Variants in RABGAP1L observed in about 807,000 individuals in gnomAD.
The protein encoded by RABGAP1L is rab GTPase-activating protein 1-like.
Under a neutral mutation model 137.7 loss-of-function variants are expected in RABGAP1L, and 63 were observed. The ratio of observed to expected loss-of-function variants is 0.46; its 90% confidence interval spans 0.37 to 0.56. The LOEUF (loss-of-function observed/expected upper bound fraction) is 0.56. Ranked by LOEUF, RABGAP1L falls within the 20% of genes least tolerant of loss-of-function variation. The pLI, the probability that RABGAP1L is intolerant of heterozygous loss-of-function variation, is 0.00. For missense variants in RABGAP1L, 1,095 were observed against 1,244.0 expected (o/e 0.88, Z 1.80); for synonymous variants, 431 against 433.7 (o/e 0.99, Z 0.08).
In RABGAP1L at chr1:174,192,277, C is replaced by T. The variant is rs543533526; in HGVS notation, c.-33-26848C>T. Among the ~76,000 whole-genome samples, 5 of 147,472 alleles carry T rather than the reference C, an allele frequency of 3.4e-5. No individual in the cohort carries two copies. The East Asian group carries it at 1.0e-3, about 30-fold the overall frequency. ...GCGTAACACATGGCAGTTGGAGGTT[C>T]AAGAGAGTCTAATTGAGTCACTTAT... On this transcript the variant is annotated intron_variant, in intron 1 of 25. Coordinates refer to ENST00000681986, the MANE Select transcript of RABGAP1L (RefSeq NM_001366446.1).
At chr1:174,338,858 G>GT (rs534517675) in intron 11 of RABGAP1L, among the ~76,000 whole-genome samples, 4 of 152,080 alleles carry the variant, frequency 2.6e-5, no homozygotes, top group Non-Finnish European at 2.9e-5. Flanking sequence ...CTAAGAATGG[G>GT]TTTTGCACTT....
intron 15 of RABGAP1L, among the ~76,000 whole-genome samples, chr1:174,688,306 T>G (rs963125440): frequency 1.3e-5 from 2 of 152,134 alleles, no homozygotes; most frequent in Non-Finnish European, 2.9e-5. Context: ...AGTTTTAAAT[T>G]TTTTAATTGA....
At chr1:174,795,381 A>T in intron 18 of RABGAP1L, among the ~76,000 whole-genome samples, 1 of 152,156 alleles carries the variant, frequency 6.6e-6, no homozygotes, top group Non-Finnish European at 1.5e-5. Context: ...AATGGAGAGG[A>T]GATGGCACCA....
At chr1:174,488,144 T>C (rs1659853743) in intron 13 of RABGAP1L, among the ~76,000 whole-genome samples, 1 of 152,170 alleles carries the variant, frequency 6.6e-6, no homozygotes. Flanking sequence ...TTTCAGTTTA[T>C]TTCTTATTGC....
intron 19 of RABGAP1L, among the ~76,000 whole-genome samples, chr1:174,882,838 T>G (rs932826537): frequency 2.6e-5 from 4 of 152,176 alleles, no homozygotes; most frequent in African/African-American, 9.7e-5. Flanking sequence ...AGCTTTTTTT[T>G]TTTTGGAGAC....
At chr1:174,703,465 A>G (rs1679815040) in intron 17 of RABGAP1L, among the ~76,000 whole-genome samples, 1 of 152,070 alleles carries the variant, frequency 6.6e-6, no homozygotes, top group Non-Finnish European at 1.5e-5. Flanking sequence ...TACATACCAC[A>G]TTTTCTTTAT....
At chr1:174,516,868 A>G (rs567804924) in intron 13 of RABGAP1L, among the ~76,000 whole-genome samples, 1 of 151,920 alleles carries the variant, frequency 6.6e-6, no homozygotes, top group African/African-American at 2.4e-5. Flanking sequence ...CAGAGGTTGC[A>G]GTGAGTTGAG....
At chr1:174,952,259 T>C (rs1042430350) in intron 19 of RABGAP1L, among the ~76,000 whole-genome samples, 1 of 140,708 alleles carries the variant, frequency 7.1e-6, no homozygotes, top group Non-Finnish European at 1.5e-5. Flanking sequence ...CCCAGCACTT[T>C]GGGAGGCTGA....
rs527830755 is a variant in RABGAP1L, at chr1:174,341,520, G to A, written c.1466-29459G>A. 2.9e-4 allele frequency among the ~76,000 whole-genome samples: 44 copies of A among 152,206 alleles called. No individual in the cohort carries two copies. The South Asian group carries it at 7.1e-3, about 24-fold the overall frequency. Reference sequence around the variant, plus strand: ...TAACAACTTGGATGAAAACTTGACCGCTTACTCATGTATTTTATTGACATT... The same window carrying A: ...TAACAACTTGGATGAAAACTTGACCACTTACTCATGTATTTTATTGACATT... On this transcript the variant is annotated intron_variant, in intron 11 of 25. Coordinates refer to ENST00000681986, the MANE Select transcript of RABGAP1L (RefSeq NM_001366446.1).
chr1:174,203,488 C>T (rs1306250456), intron 1 of RABGAP1L, among the ~76,000 whole-genome samples: 2 of 152,102 alleles, frequency 1.3e-5, no homozygotes, highest in Non-Finnish European at 2.9e-5. Flanking sequence ...GTACCCGTAC[C>T]ATGCTGTTTT....
At chr1:174,288,504 C>A (rs1341566769) in intron 10 of RABGAP1L, among the ~76,000 whole-genome samples, 2 of 152,160 alleles carry the variant, frequency 1.3e-5, no homozygotes, top group African/African-American at 2.4e-5. Context: ...TTTCTTTTCT[C>A]TTTCAATATA....
In RABGAP1L at chr1:174,368,474, A is replaced by G. The variant is rs553990975; in HGVS notation, c.1466-2505A>G. Among the ~76,000 whole-genome samples the G allele has an allele frequency of 2.5e-4, 38 of 152,210 alleles. No individual in the cohort carries two copies. The South Asian group carries it at 3.3e-3, about 13-fold the overall frequency. On this transcript the variant is annotated intron_variant, in intron 11 of 25. Transcript: ENST00000681986. The stretch of plus-strand genomic sequence containing the variant: ...CTTTTAGGAAAACTAGGTATTATCA[A>G]TTTTTATACTCTCTGTCAATGTAAT...
At chr1:174,989,403 CCA>C (rs1671886602) in intron 25 of RABGAP1L, among the ~76,000 whole-genome samples, 2 of 152,188 alleles carry the variant, frequency 1.3e-5, no homozygotes, top group Admixed American at 1.3e-4. Flanking sequence ...TCACCAGCCT[CCA>C]CCACACCAGC....
chr1:174,962,508 A>G (rs1466877530), intron 20 of RABGAP1L, among the ~76,000 whole-genome samples: 2 of 152,172 alleles, frequency 1.3e-5, no homozygotes, highest in Admixed American at 6.5e-5. Context: ...TTTCTTGCAC[A>G]TACTGGTTTT....
At chr1:174,652,136 T>C (rs1324538548) in intron 14 of RABGAP1L, among the ~76,000 whole-genome samples, 1 of 152,234 alleles carries the variant, frequency 6.6e-6, no homozygotes, top group African/African-American at 2.4e-5. Flanking sequence ...TTAAAAATTC[T>C]TTTCTTTAAG....
At chr1:174,489,646 A>T (rs1404969641) in intron 13 of RABGAP1L, among the ~76,000 whole-genome samples, 1 of 152,200 alleles carries the variant, frequency 6.6e-6, no homozygotes, top group South Asian at 2.1e-4. Context: ...CTAGAACTAG[A>T]AATAGCATTT....
At chr1:174,628,500 A>G (rs1264203542) in intron 13 of RABGAP1L, among the ~76,000 whole-genome samples, 1 of 152,222 alleles carries the variant, frequency 6.6e-6, no homozygotes, top group African/African-American at 2.4e-5. Flanking sequence ...GCAATATGCT[A>G]AGTACTTCAC....
intron 1 of RABGAP1L, among the ~76,000 whole-genome samples, chr1:174,176,725 A>AT (rs1665894788): frequency 7.4e-6 from 1 of 135,642 alleles, no homozygotes; most frequent in Non-Finnish European, 1.6e-5. Context: ...AAAAAAAAAA[A>AT]AAAAAAAAAA....
intron 11 of RABGAP1L, among the ~76,000 whole-genome samples, chr1:174,348,539 G>T (rs920141109): frequency 7.1e-6 from 1 of 141,420 alleles, no homozygotes; most frequent in Non-Finnish European, 1.6e-5. Flanking sequence ...GACAATAGTG[G>T]AGGGAAGGTC....
Sources: allele counts gnomAD v4.1 joint callset (sites outside exome capture counted in the v4.1 genomes callset), GRCh38; gene constraint gnomAD v4.1.1; transcripts MANE v1.5; gene names NCBI Gene and HGNC (gene_info 2026-07-23, HGNC 2026-07-21).